KLK5: variants seen among roughly 807,000 people sequenced by gnomAD.
KLK5 encodes kallikrein related peptidase 5, also known as kallikrein-5.
KLK5 carries 18 observed loss-of-function variants against 24.0 expected under a neutral mutation model. That is an observed-to-expected ratio of 0.75 (90% CI 0.52 to 1.11). KLK5 has a LOEUF of 1.11. Ranked by LOEUF, KLK5 falls within the 50% of genes most tolerant of loss-of-function variation. KLK5 has a pLI of 0.00. For synonymous variants in KLK5, 140 were observed against 154.0 expected (o/e 0.91, Z 0.67); for missense variants, 374 against 379.2 (o/e 0.99, Z 0.11).
At position 50,952,734 on chromosome 19, in the gene KLK5, C is replaced by T. The variant is rs1568530812; in HGVS notation, c.-12+13G>A. The T allele has an allele frequency of 1.8e-6, 2 of 1,081,868 alleles. No individual in the cohort carries two copies. Among genetic ancestry groups the T allele is most frequent in the Non-Finnish European group, 2.6e-6 (2 of 757,660 alleles). The allele number at this position is 1,081,868 out of a possible 1,614,324, so 67.0% of individuals were successfully genotyped here. On this transcript the variant is annotated intron_variant, in intron 1 of 5. Coordinates refer to ENST00000336334, the MANE Select transcript of KLK5 (RefSeq NM_012427.5). ...CCGGGGAGCCCTTAACCCACTTCCC[C>T]TCCCTCCCCTACCTTATTTCCCCAG...
chr19:50,945,052 CTT>C (rs1171132302), intron 5 of KLK5, among the ~76,000 whole-genome samples: 1,999 of 137,796 alleles, frequency 0.015, 49 homozygotes, highest in African/African-American at 0.052. Flanking sequence ...TCCTTCCTTC[CTT>C]TCTTTCTCCT....
chr19:50,948,809 A>G, intron 4 of KLK5, 36 bp from the exon 5 acceptor site: 1 of 1,614,048 alleles, frequency 6.2e-7, no homozygotes, highest in Non-Finnish European at 8.5e-7. Flanking sequence ...GTGGAGAAAG[A>G]TGGAAGGCGG....
intron 3 of KLK5, among the ~76,000 whole-genome samples, chr19:50,949,620 A>G (rs2090665791): frequency 1.3e-5 from 2 of 150,734 alleles, no homozygotes; most frequent in Admixed American, 6.6e-5. Context: ...CTCCAACCTC[A>G]TCCTCCCACC....
Position 50,952,569 on chromosome 19 carries a change from C to T in KLK5, c.73+16G>A, listed in dbSNP as rs1404160647. 3 of 1,590,620 alleles carry T rather than the reference C, an allele frequency of 1.9e-6. No homozygotes were observed. Among genetic ancestry groups the T allele is most frequent in the African/African-American group, 2.7e-5 (2 of 73,984 alleles). On this transcript the variant is annotated intron_variant, in intron 2 of 5. Coordinates refer to ENST00000336334, the MANE Select transcript of KLK5 (RefSeq NM_012427.5). Reference sequence around the variant, plus strand: ...CTCCCAATCCCACAACCCTCCCACCCCAGAGTTCTGGTTACCTGTGACCCC... The same window carrying T: ...CTCCCAATCCCACAACCCTCCCACCTCAGAGTTCTGGTTACCTGTGACCCC...
intron 5 of KLK5, among the ~76,000 whole-genome samples, chr19:50,945,051 CCTTT>C (rs1380978536): frequency 1.2e-4 from 16 of 137,938 alleles, no homozygotes; most frequent in South Asian, 6.9e-4. Context: ...CTCCTTCCTT[CCTTT>C]CTTTCTCCTT....
rs185985961 is a variant in KLK5, at chr19:50,951,831, C to G, written c.73+754G>C. ...CGTGTGTGCACAGATGTTCAGACTGCCACATACTCTTCTGCACACAGGCAC... is the reference window on the plus strand; with the variant it reads ...CGTGTGTGCACAGATGTTCAGACTGGCACATACTCTTCTGCACACAGGCAC... On this transcript the variant is annotated intron_variant, in intron 2 of 5. Transcript: ENST00000336334. Among the ~76,000 whole-genome samples the G allele has an allele frequency of 2.6e-3, 396 of 152,246 alleles. 5 individuals carry two copies. The highest frequency in any genetic ancestry group is 9.2e-3 in the African/African-American group (381 of 41,550).
At chr19:50,949,482 C>A (rs2090664721) in intron 3 of KLK5, among the ~76,000 whole-genome samples, 1 of 151,692 alleles carries the variant, frequency 6.6e-6, no homozygotes. Context: ...CGATTTTCAC[C>A]CACCCCCAAT....
rs1008198053 is a variant in KLK5, at chr19:50,948,751, C to G, written c.615G>C (p.Gln205His). The G allele has an allele frequency of 9.9e-6, 16 of 1,614,078 alleles. No homozygotes were observed. The highest frequency in any genetic ancestry group is 1.3e-5 in the Non-Finnish European group (15 of 1,180,028). Reference protein sequence around the residue: ...SPQVHFPKVLQCLNISVLSQK... With the variant: ...SPQVHFPKVLHCLNISVLSQK... ...GACTTAGCACGCTGATATTCAAGCA[C>G]TGGAGGACCTTAGGGAAGTGCACTG... The change falls in exon 5 of 6, where the codon CAG (glutamine) becomes CAC (histidine). Residue 205 changes from glutamine (Q) to histidine (H), a missense_variant. Transcript: ENST00000336334.
intron 1 of KLK5, 23 bp from the exon 2 acceptor site, chr19:50,952,691 T>G: frequency 6.4e-7 from 1 of 1,551,220 alleles, no homozygotes; most frequent in Non-Finnish European, 8.8e-7. Flanking sequence ...TGTCAGAGGG[T>G]TGGGAGGCCC....
Position 50,950,113 on chromosome 19 carries a change from T to A in KLK5, c.77A>T (p.His26Leu). 3 of 1,605,182 alleles carry A rather than the reference T, an allele frequency of 1.9e-6. No homozygotes were observed. The highest frequency in any genetic ancestry group is 2.6e-6 in the Non-Finnish European group (3 of 1,175,618). ...GGAAACATCATTGTTGGCGAGAACATGCTCTGGGAACGGAAAATGGGTTGG... is the reference window on the plus strand; with the variant it reads ...GGAAACATCATTGTTGGCGAGAACAAGCTCTGGGAACGGAAAATGGGTTGG... ...ITALLLGVTE[H>L]VLANNDVSCD... Residue 26 changes from histidine (H) to leucine (L), a missense_variant, in exon 3 of 6, where the codon CAT becomes CTT. Transcript: ENST00000336334.
At chr19:50,952,141 A>T (rs575885047) in intron 2 of KLK5, among the ~76,000 whole-genome samples, 47 of 67,384 alleles carry the variant, frequency 7.0e-4, no homozygotes, top group Non-Finnish European at 1.3e-3. Flanking sequence ...CATGGTGATG[A>T]CCACTTTTGT....
chr19:50,948,997 T>TA lies in KLK5; in HGVS notation c.453dup (p.Asn152Ter), dbSNP rs1260092596. 1 of 1,613,962 alleles carries TA rather than the reference T, an allele frequency of 6.2e-7. No homozygotes were observed. The highest frequency in any genetic ancestry group is 8.5e-7 in the Non-Finnish European group (1 of 1,179,980). ...TTCAGTTTGATGAGCATGAGGTCGT[T>TA]AGAGTGGCCAGGGTGGGAGTAGCCA... On this transcript the variant is annotated frameshift_variant, in exon 4 of 6. Transcript: ENST00000336334. LOFTEE classifies it high-confidence loss of function.
intron 5 of KLK5, among the ~76,000 whole-genome samples, chr19:50,944,325 C>T (rs2090612900): frequency 6.6e-6 from 1 of 152,048 alleles, no homozygotes; most frequent in African/African-American, 2.4e-5. Context: ...AACCTTTAGA[C>T]CCCATTTGTC....
intron 5 of KLK5, among the ~76,000 whole-genome samples, chr19:50,945,043 C>T (rs963161673): frequency 2.3e-5 from 3 of 129,038 alleles, no homozygotes; most frequent in African/African-American, 7.9e-5. Flanking sequence ...CTTTCTTTCT[C>T]CTTCCTTCCT....
intron 2 of KLK5, among the ~76,000 whole-genome samples, chr19:50,951,715 T>C (rs937531001): frequency 2.0e-5 from 3 of 152,162 alleles, no homozygotes; most frequent in African/African-American, 7.2e-5. Flanking sequence ...GCAGCTAACA[T>C]ACAGCTCTGT....
rs1167444638 is a variant in KLK5, at chr19:50,952,850, C to T, written c.-115G>A. ...CAGAAGATAGGAGTCTAGCAGCCTC[C>T]AGACAGGGCAAGGAGGGGACAGAGA... On this transcript the variant is annotated 5_prime_UTR_variant, in exon 1 of 6. Transcript: ENST00000336334. The T allele has an allele frequency of 4.5e-6, 2 of 446,324 alleles. No individual in the cohort carries two copies. Among genetic ancestry groups the T allele is most frequent in the Non-Finnish European group, 4.0e-6 (1 of 252,796 alleles). The allele number at this position is 446,324 out of a possible 1,614,324, so 27.6% of individuals were successfully genotyped here. A position where few individuals can be genotyped will look rare whatever the true frequency, so the allele number is the denominator to read the frequency against.
intron 3 of KLK5, 96 bp from the exon 4 acceptor site, chr19:50,949,211 TCCCCAC>T: frequency 4.6e-6 from 5 of 1,085,270 alleles, no homozygotes; most frequent in Non-Finnish European, 6.0e-6. Context: ...CCCACCCCCA[TCCCCAC>T]CCCCGGTCCC....
At position 50,950,027 on chromosome 19, in the gene KLK5, C is replaced by G. The variant is rs2232532; in HGVS notation, c.163G>C (p.Gly55Arg). 6.2e-6 allele frequency: 10 copies of G among 1,613,352 alleles called. No individual in the cohort carries two copies. The highest frequency in any genetic ancestry group is 1.1e-5 in the South Asian group (1 of 91,010). ...GSNQDLGAGA[G>R]EDARSDDSSS... ...CTGTCATCCGACCGGGCGTCTTCCC[C>G]GGCCCCAGCTCCCAGGTCCTGGTTG... Residue 55 changes from glycine (G) to arginine (R), a missense_variant, in exon 3 of 6, where the codon GGG becomes CGG. Physicochemically the swap from Gly to Arg is moderately radical, Grantham distance 125. Coordinates refer to ENST00000336334, the MANE Select transcript of KLK5 (RefSeq NM_012427.5).
intron 3 of KLK5, 87 bp downstream of exon 3, chr19:50,949,750 CCGTCCCCACCAGCCCTCA>C: frequency 4.1e-6 from 3 of 725,776 alleles, no homozygotes; most frequent in Admixed American, 2.7e-5. Flanking sequence ...CCCCACTTCC[CCGTCCCCACCAGCCCTCA>C]CCTCCATGAC....
Sources: allele counts gnomAD v4.1 joint callset (sites outside exome capture counted in the v4.1 genomes callset), GRCh38; gene constraint gnomAD v4.1.1; transcripts MANE v1.5; gene names NCBI Gene and HGNC (gene_info 2026-07-23, HGNC 2026-07-21).